The following TOPAZ1 variants were observed in gnomAD, a reference collection of about 807,000 sequenced individuals.
The protein encoded by TOPAZ1 is protein TOPAZ1.
TOPAZ1 carries 66 observed loss-of-function variants against 172.2 expected under a neutral mutation model. That is an observed-to-expected ratio of 0.38 (90% CI 0.31 to 0.47). TOPAZ1 has a LOEUF of 0.47. Ranked by LOEUF, TOPAZ1 falls within the 20% of genes least tolerant of loss-of-function variation. The probability of loss-of-function intolerance (pLI) is 0.99; values close to 1 mark genes in which losing one functional copy is unlikely to be tolerated. For missense variants in TOPAZ1, 1,822 were observed against 1,972.4 expected, an observed-to-expected ratio of 0.92 and a Z score of 1.44; for synonymous variants, 681 against 683.9, an observed-to-expected ratio of 1.00 and a Z score of 0.07.
In TOPAZ1 at chr3:44,255,881, T is replaced by C. The variant is rs114209862; in HGVS notation, c.2828-270T>C. The stretch of plus-strand genomic sequence containing the variant: ...TAAGTATATTTAAAAGTATATTTTA[T>C]AAGTATATTTAAAATAAGTGCATTT... On this transcript the variant is annotated intron_variant, in intron 3 of 19. Coordinates refer to ENST00000309765, the MANE Select transcript of TOPAZ1 (RefSeq NM_001145030.2). Among the ~76,000 whole-genome samples the C allele has an allele frequency of 4.1e-3, 612 of 151,098 alleles. 4 individuals carry two copies. The highest frequency in any genetic ancestry group is 0.014 in the African/African-American group (582 of 41,408).
At chr3:44,256,721 T>C (rs938573024) in intron 4 of TOPAZ1, among the ~76,000 whole-genome samples, 1 of 152,218 alleles carries the variant, frequency 6.6e-6, no homozygotes, top group Admixed American at 6.5e-5. Context: ...TTTATCCTTC[T>C]AATACCATGG....
intron 18 of TOPAZ1, 118 bp from the exon 19 acceptor site, chr3:44,328,132 C>G: frequency 1.7e-6 from 1 of 572,282 alleles, no homozygotes; most frequent in South Asian, 3.1e-5. Context: ...ATTTGTTAAT[C>G]TACTTCTAAT....
chr3:44,244,576 T>C lies in TOPAZ1; in HGVS notation c.2070T>C (p.Pro690=). The part of the protein sequence containing the change: ...NTGRLTNFKI[P]LLKNKSEKRK... ...GACGGCTGACTAATTTTAAAATTCCTTTACTTAAGAATAAATCAGAAAAAA... is the reference window on the plus strand; with the variant it reads ...GACGGCTGACTAATTTTAAAATTCCCTTACTTAAGAATAAATCAGAAAAAA... Residue 690 remains proline, a synonymous_variant, in exon 2 of 20, where the codon CCT becomes CCC. Coordinates refer to ENST00000309765, the MANE Select transcript of TOPAZ1 (RefSeq NM_001145030.2). 1.3e-6 allele frequency: 2 copies of C among 1,549,842 alleles called. No individual in the cohort carries two copies. The highest frequency in any genetic ancestry group is 1.7e-6 in the Non-Finnish European group (2 of 1,146,548).
At chr3:44,301,204 A>G (rs1195632204) in intron 12 of TOPAZ1, among the ~76,000 whole-genome samples, 1 of 152,162 alleles carries the variant, frequency 6.6e-6, no homozygotes, top group Non-Finnish European at 1.5e-5. Flanking sequence ...AGTTACATAC[A>G]CACACACAAA....
chr3:44,310,672 T>A (rs1171791455), intron 16 of TOPAZ1, among the ~76,000 whole-genome samples: 1 of 152,126 alleles, frequency 6.6e-6, no homozygotes, highest in African/African-American at 2.4e-5. Context: ...CAAAATGACA[T>A]AATAAGTAAG....
At position 44,243,849 on chromosome 3, in the gene TOPAZ1, C is replaced by G. The variant is rs780019600; in HGVS notation, c.1343C>G (p.Ser448Trp). 4 of 1,551,440 alleles carry G rather than the reference C, an allele frequency of 2.6e-6. No individual in the cohort carries two copies. In the African/African-American group the frequency reaches 4.1e-5, roughly 16 times the overall value. The change falls in exon 2 of 20, where the codon TCG (serine) becomes TGG (tryptophan). Residue 448 changes from serine (S) to tryptophan (W), a missense_variant. Ser to Trp is a radical substitution (Grantham distance 177). Transcript: ENST00000309765. The stretch of plus-strand genomic sequence containing the variant: ...ATGGCATCGAAAGAGGATTTTAAAT[C>G]GATGAAAAGCTTCATAGGGAAATCA... ...ESMASKEDFKSMKSFIGKSPN... is the reference protein window; with the variant it reads ...ESMASKEDFKWMKSFIGKSPN...
chr3:44,270,553 T>C, intron 7 of TOPAZ1, 132 bp from the exon 8 acceptor site: 1 of 526,364 alleles, frequency 1.9e-6, no homozygotes, highest in Non-Finnish European at 3.0e-6. Flanking sequence ...TTTTTTCTTA[T>C]TAAATTAGCA....
chr3:44,332,798 G>GTT (rs10708146), downstream of TOPAZ1, among the ~76,000 whole-genome samples: 1 of 148,418 alleles, frequency 6.7e-6, no homozygotes, highest in Non-Finnish European at 1.5e-5. Context: ...GGGACTGAAA[G>GTT]TTTTTTTTTT....
intron 12 of TOPAZ1, among the ~76,000 whole-genome samples, chr3:44,300,011 G>A (rs1270021565): frequency 2.0e-5 from 3 of 150,474 alleles, no homozygotes; most frequent in Admixed American, 6.6e-5. Context: ...TAAATGATGA[G>A]TTAATGGGTG....
At chr3:44,294,646 C>A (rs1448065413) in intron 12 of TOPAZ1, among the ~76,000 whole-genome samples, 1 of 152,146 alleles carries the variant, frequency 6.6e-6, no homozygotes, top group East Asian at 1.9e-4. Flanking sequence ...GGACTACAGG[C>A]ACGTGCCATT....
chr3:44,310,527 GC>G (rs1406149425), intron 16 of TOPAZ1, among the ~76,000 whole-genome samples: 1 of 151,932 alleles, frequency 6.6e-6, no homozygotes, highest in Non-Finnish European at 1.5e-5. Context: ...CCTAATTCTT[GC>G]TATGGCCTAG....
At chr3:44,283,609 GTTT>G (rs1189811323) in intron 9 of TOPAZ1, among the ~76,000 whole-genome samples, 1 of 152,012 alleles carries the variant, frequency 6.6e-6, no homozygotes, top group Non-Finnish European at 1.5e-5. Flanking sequence ...TAAATTTTAA[GTTT>G]TTATTTAGAA....
intron 16 of TOPAZ1, among the ~76,000 whole-genome samples, chr3:44,313,234 G>A (rs925181549): frequency 6.6e-6 from 1 of 152,106 alleles, no homozygotes; most frequent in Admixed American, 6.6e-5. Flanking sequence ...CTGTGTTAAA[G>A]GGTAAAGGCA....
At chr3:44,299,665 C>A (rs552649528) in intron 12 of TOPAZ1, among the ~76,000 whole-genome samples, 3 of 151,480 alleles carry the variant, frequency 2.0e-5, no homozygotes, top group South Asian at 4.2e-4. Context: ...ATGTTTATTG[C>A]GGCACTATTC....
intron 4 of TOPAZ1, among the ~76,000 whole-genome samples, chr3:44,257,129 G>C (rs1239016398): frequency 6.6e-6 from 1 of 152,018 alleles, no homozygotes; most frequent in African/African-American, 2.4e-5. Context: ...AGGAATTTGA[G>C]ACCAGCTTGA....
At chr3:44,317,098 C>T (rs529651056) in intron 16 of TOPAZ1, among the ~76,000 whole-genome samples, 2 of 152,280 alleles carry the variant, frequency 1.3e-5, no homozygotes, top group Admixed American at 6.5e-5. Flanking sequence ...TAATACAGTT[C>T]TGTAGGAAAT....
chr3:44,242,344 G>T lies in TOPAZ1; in HGVS notation c.291G>T (p.Pro97=), dbSNP rs1234135357. ...TGAGCCCGTCAGACTCGTCAGACCC[G>T]CGAGGCCTAGAAGCAGCAAAGGAGG... is the stretch of plus-strand genomic sequence containing the variant. The part of the protein sequence containing the change: ...GPVSPSDSSD[P]RGLEAAKEAE... The change falls in exon 1 of 20, where the codon CCG becomes CCT. Residue 97 remains proline (P), a synonymous_variant. Transcript: ENST00000309765. The T allele has an allele frequency of 1.9e-6, 3 of 1,552,336 alleles. No individual in the cohort carries two copies. The highest frequency in any genetic ancestry group is 2.4e-5 in the East Asian group (1 of 40,912).
chr3:44,247,420 T>G (rs183301977), intron 2 of TOPAZ1, among the ~76,000 whole-genome samples: 1 of 152,364 alleles, frequency 6.6e-6, no homozygotes, highest in African/African-American at 2.4e-5. Flanking sequence ...TTTCTAACTT[T>G]AGACAGCAGT....
intron 5 of TOPAZ1, among the ~76,000 whole-genome samples, chr3:44,265,006 A>G (rs1003414286): frequency 1.3e-5 from 2 of 152,216 alleles, no homozygotes; most frequent in African/African-American, 4.8e-5. Flanking sequence ...AAAGTCATCT[A>G]TGAGGGTTGG....
Sources: allele counts gnomAD v4.1 joint callset (sites outside exome capture counted in the v4.1 genomes callset), GRCh38; gene constraint gnomAD v4.1.1; transcripts MANE v1.5; gene names NCBI Gene and HGNC (gene_info 2026-07-23, HGNC 2026-07-21).